Variants in UBR1 observed in about 807,000 individuals in gnomAD.
The protein encoded by UBR1 is E3 ubiquitin-protein ligase UBR1.
A neutral mutation model predicts 242.1 loss-of-function variants in UBR1; 102 were observed. That is an observed-to-expected ratio of 0.42 (90% CI 0.36 to 0.50). The LOEUF (loss-of-function observed/expected upper bound fraction) is 0.50. Ranked by LOEUF, UBR1 falls within the 20% of genes least tolerant of loss-of-function variation. UBR1 has a pLI of 0.01. For missense variants in UBR1, 1,772 were observed against 2,101.8 expected, an observed-to-expected ratio of 0.84 and a Z score of 3.07; for synonymous variants, 675 against 684.8, an observed-to-expected ratio of 0.99 and a Z score of 0.22.
intron 1 of UBR1, among the ~76,000 whole-genome samples, chr15:43,103,769 A>G (rs1358329349): frequency 1.3e-5 from 2 of 152,222 alleles, no homozygotes; most frequent in Non-Finnish European, 2.9e-5. Context: ...TTAAACCTCT[A>G]TAAATGTCCC....
intron 25 of UBR1, 118 bp downstream of exon 25, chr15:43,024,711 G>T: frequency 7.2e-7 from 1 of 1,398,492 alleles, no homozygotes; most frequent in Non-Finnish European, 1.0e-6. Context: ...TATTTTTAAT[G>T]ACCCCTATGT....
intron 35 of UBR1, among the ~76,000 whole-genome samples, chr15:42,987,614 T>C (rs2032490244): frequency 6.8e-6 from 1 of 146,928 alleles, no homozygotes; most frequent in Non-Finnish European, 1.5e-5. Context: ...CTCGGGAGCC[T>C]GAGGCAGGAG....
rs181415912 is a variant in UBR1, at chr15:43,087,254, A to G, written c.82-1014T>C. Among the ~76,000 whole-genome samples the G allele has an allele frequency of 1.4e-4, 21 of 152,046 alleles. No homozygotes were observed. The East Asian group carries it at 3.9e-3, about 28-fold the overall frequency. On this transcript the variant is annotated intron_variant, in intron 1 of 46. Transcript: ENST00000290650. Reference sequence around the variant, plus strand: ...CCCCGCCTCTACTAAAAATACAAAAAATTAGCCAGGCGTGCTGGCGGGCGC... The same window carrying G: ...CCCCGCCTCTACTAAAAATACAAAAGATTAGCCAGGCGTGCTGGCGGGCGC...
chr15:43,046,182 A>G (rs1221999697), intron 14 of UBR1, among the ~76,000 whole-genome samples: 1 of 152,224 alleles, frequency 6.6e-6, no homozygotes, highest in Non-Finnish European at 1.5e-5. Context: ...TGCCCTCCAT[A>G]AAAGTGAGGG....
intron 27 of UBR1, 78 bp from the exon 28 acceptor site, chr15:43,017,259 G>T: frequency 1.0e-6 from 1 of 987,410 alleles, no homozygotes; most frequent in South Asian, 1.3e-5. Context: ...TCACTAATCT[G>T]ATTTTGGCAT....
At chr15:43,041,482 CT>C (rs1406242253) in intron 15 of UBR1, among the ~76,000 whole-genome samples, 2 of 151,924 alleles carry the variant, frequency 1.3e-5, no homozygotes, top group African/African-American at 2.4e-5. Context: ...AGGGACCCCC[CT>C]ATACATTAAA....
intron 5 of UBR1, among the ~76,000 whole-genome samples, chr15:43,069,864 C>T (rs1416680631): frequency 6.6e-6 from 1 of 152,090 alleles, no homozygotes; most frequent in Non-Finnish European, 1.5e-5. Flanking sequence ...CATAAAGTGA[C>T]TTAAAAGGTT....
Position 42,952,393 on chromosome 15 carries a change from C to T in UBR1, c.4891G>A (p.Gly1631Arg). Residue 1631 changes from glycine to arginine, a missense_variant, in exon 45 of 47, where the codon GGG (glycine) becomes AGG (arginine). Gly to Arg is a moderately radical substitution (Grantham distance 125). Around this residue, in one of 3 missense-constraint regions of UBR1, gnomAD observed 965 missense variants for 1,079.7 expected, o/e 0.89. Transcript: ENST00000290650. Reference protein sequence around the residue: ...RKHPVLCLFCGAILCSQNICC... With the variant: ...RKHPVLCLFCRAILCSQNICC... ...ATGTTCTGAGAACATAGTATAGCCC[C>T]ACAGAAAAGGCAGAGGACAGGATGC... 1 of 1,614,208 alleles carries T rather than the reference C, an allele frequency of 6.2e-7. No individual in the cohort carries two copies. Among genetic ancestry groups the T allele is most frequent in the South Asian group, 1.1e-5 (1 of 91,090 alleles).
At position 43,082,794 on chromosome 15, in the gene UBR1, G is replaced by C. The variant is rs1409828362; in HGVS notation, c.339-78C>G. 3 of 1,071,298 alleles carry C rather than the reference G, an allele frequency of 2.8e-6. No individual in the cohort carries two copies. The African/African-American group carries it at 4.7e-5, about 17-fold the overall frequency. The allele number at this position is 1,071,298 out of a possible 1,614,324, so 66.4% of individuals were successfully genotyped here. A position where few individuals can be genotyped will look rare whatever the true frequency, so the allele number is the denominator to read the frequency against. ...TCAAGGTATGACTATAATACAATGT[G>C]AACAAGTTTCCTCTATGGTACACAA... On this transcript the variant is annotated intron_variant, in intron 2 of 46. Transcript: ENST00000290650.
chr15:42,970,396 G>T, intron 40 of UBR1, 124 bp downstream of exon 40: 4 of 1,030,328 alleles, frequency 3.9e-6, no homozygotes, highest in Non-Finnish European at 5.9e-6. Flanking sequence ...AACCCTACAA[G>T]AAAACCTAGG....
At chr15:43,086,992 C>T (rs1297776195) in intron 1 of UBR1, among the ~76,000 whole-genome samples, 1 of 152,168 alleles carries the variant, frequency 6.6e-6, no homozygotes, top group Non-Finnish European at 1.5e-5. Context: ...CTCGACAACA[C>T]ATAGGGAGAC....
Position 43,036,240 on chromosome 15 carries a change from G to T in UBR1, c.2128C>A (p.Leu710Met). Residue 710 changes from leucine (L) to methionine (M), a missense_variant, in exon 19 of 47, where the codon CTG becomes ATG. This residue lies in a region of UBR1 where 734 missense variants were observed against 893.3 expected (regional missense o/e 0.82). Transcript: ENST00000290650. ...SLMDPNKFLL[L>M]VLQRYELAEA... is the part of the protein sequence containing the mutation. Reference sequence around the variant, plus strand: ...GCAAGTTCATACCTCTGAAGTACCAGTAACAAGAACTTATTGGGATCCATT... The same window carrying T: ...GCAAGTTCATACCTCTGAAGTACCATTAACAAGAACTTATTGGGATCCATT... 6.2e-7 allele frequency: 1 copy of T among 1,613,728 alleles called. No individual in the cohort carries two copies. Among genetic ancestry groups the T allele is most frequent in the Non-Finnish European group, 8.5e-7 (1 of 1,179,802 alleles).
At chr15:43,022,552 AG>A in intron 26 of UBR1, 149 bp downstream of exon 26, 1 of 497,684 alleles carries the variant, frequency 2.0e-6, no homozygotes, top group African/African-American at 2.0e-5. Context: ...TAAGAATGCT[AG>A]GAAAAAAATT....
At chr15:42,988,475 A>C in intron 35 of UBR1, 1 of 291,752 alleles carries the variant, frequency 3.4e-6, no homozygotes, top group Non-Finnish European at 6.6e-6. Flanking sequence ...TTTGTAGACA[A>C]TCTTGCTGTA....
chr15:43,101,968 C>CAAAAAAAA (rs55875692), intron 1 of UBR1, among the ~76,000 whole-genome samples: 1 of 59,652 alleles, frequency 1.7e-5, no homozygotes, highest in Admixed American at 3.0e-4. Context: ...CCTTGGCTCA[C>CAAAAAAAA]AAAAAAAAAA....
chr15:42,956,193 G>T (rs1044100729), intron 44 of UBR1, among the ~76,000 whole-genome samples: 1 of 152,020 alleles, frequency 6.6e-6, no homozygotes, highest in African/African-American at 2.4e-5. Flanking sequence ...GTTTAATAAC[G>T]GTTCTTGTGG....
At chr15:43,091,024 T>C (rs2037393) in intron 1 of UBR1, among the ~76,000 whole-genome samples, 150,972 of 152,284 alleles carry the variant, frequency 0.99, 74,854 homozygotes, top group East Asian at 1. Flanking sequence ...ATGCAACCTC[T>C]GCCTCCCGGG....
chr15:43,047,108 A>G, intron 14 of UBR1, 53 bp downstream of exon 14: 1 of 1,602,016 alleles, frequency 6.2e-7, no homozygotes, highest in Non-Finnish European at 8.5e-7. Flanking sequence ...TATACTATTA[A>G]TAATTACTAA....
At chr15:43,041,360 G>C (rs2033415233) in intron 15 of UBR1, among the ~76,000 whole-genome samples, 1 of 151,978 alleles carries the variant, frequency 6.6e-6, no homozygotes, top group East Asian at 1.9e-4. Flanking sequence ...ACCAAACACT[G>C]CATGTTCTCA....
Sources: allele counts gnomAD v4.1 joint callset (sites outside exome capture counted in the v4.1 genomes callset), GRCh38; gene constraint gnomAD v4.1.1; regional missense constraint gnomAD v4.1.1; transcripts MANE v1.5; gene names NCBI Gene and HGNC (gene_info 2026-07-23, HGNC 2026-07-21).